SORCS2: variants seen among roughly 807,000 people sequenced by gnomAD.
SORCS2 encodes sortilin related VPS10 domain containing receptor 2, also known as VPS10 domain-containing receptor SorCS2.
Under a neutral mutation model 141.6 loss-of-function variants are expected in SORCS2, and 100 were observed. The observed-to-expected ratio is 0.71, with a 90% CI of 0.60 to 0.83. SORCS2 has a LOEUF of 0.83. SORCS2 is among the 40% of genes least tolerant of loss of function. SORCS2 has a pLI of 0.00. For synonymous variants in SORCS2, 789 were observed against 676.9 expected, an observed-to-expected ratio of 1.17 and a Z score of -2.57; for missense variants, 1,646 against 1,560.2, an observed-to-expected ratio of 1.05 and a Z score of -0.93.
Position 7,714,283 on chromosome 4 carries a change from G to T in SORCS2, c.2033G>T (p.Arg678Ile). Residue 678 changes from arginine (R) to isoleucine (I), a missense_variant, in exon 16 of 27, where the codon AGA becomes ATA. By Grantham distance (97) the Arg-to-Ile change is moderately conservative (BLOSUM62 -3). Coordinates refer to ENST00000507866, the MANE Select transcript of SORCS2 (RefSeq NM_020777.3). The stretch of plus-strand genomic sequence containing the variant: ...GGCCAGCAGAGAAGTTTCCGGAAAA[G>T]AAAGTCCACGTCCTGGTGCATCAAG... ...IMGQQRSFRK[R>I]KSTSWCIKGR... The T allele has an allele frequency of 6.2e-7, 1 of 1,609,418 alleles. No individual in the cohort carries two copies. Among genetic ancestry groups the T allele is most frequent in the Non-Finnish European group, 8.5e-7 (1 of 1,178,100 alleles).
chr4:7,638,550 C>T, intron 4 of SORCS2, 58 bp downstream of exon 4: 1 of 1,534,614 alleles, frequency 6.5e-7, no homozygotes, highest in Non-Finnish European at 8.7e-7. Flanking sequence ...CTCGACCCAC[C>T]TGGAGGTGAG....
intron 17 of SORCS2, 140 bp from the exon 18 acceptor site, chr4:7,717,872 C>G: frequency 2.4e-6 from 2 of 818,508 alleles, no homozygotes; most frequent in Non-Finnish European, 3.6e-6. Flanking sequence ...CAGGAGGTGA[C>G]TGGGAGTTAG....
chr4:7,423,354 C>T (rs1028441443), intron 2 of SORCS2, among the ~76,000 whole-genome samples: 1 of 152,208 alleles, frequency 6.6e-6, no homozygotes, highest in African/African-American at 2.4e-5. Flanking sequence ...GCATCCCTGG[C>T]TATGTGGTTC....
At chr4:7,359,321 AC>A (rs1263482045) in intron 1 of SORCS2, among the ~76,000 whole-genome samples, 3 of 151,684 alleles carry the variant, frequency 2.0e-5, no homozygotes, top group African/African-American at 4.8e-5. Context: ...AACAAAAAAA[AC>A]AAAGACTTAC....
chr4:7,603,240 GTGTT>G (rs1717856205), intron 3 of SORCS2, among the ~76,000 whole-genome samples: 1 of 152,190 alleles, frequency 6.6e-6, no homozygotes, highest in Non-Finnish European at 1.5e-5. Flanking sequence ...TTGTAACTCA[GTGTT>G]TGTTTAGATC....
rs1446899544 is a variant in SORCS2 at position 7,570,039 on chromosome 4, AT to A, written c.648+38411del. On this transcript the variant is annotated intron_variant, in intron 3 of 26. Transcript: ENST00000507866. ...AGCGTTTTCAAGGGGAGGAGATGCA[AT>A]CCACTGCAGCTGAGAGCAGGGCCCC... 7.2e-5 allele frequency among the ~76,000 whole-genome samples: 11 copies of A among 152,222 alleles called. No homozygotes were observed. In the East Asian group the frequency reaches 1.7e-3, roughly 24 times the overall value.
intron 1 of SORCS2, among the ~76,000 whole-genome samples, chr4:7,218,511 C>A (rs2108756500): frequency 6.6e-6 from 1 of 152,312 alleles, no homozygotes; most frequent in South Asian, 2.1e-4. Flanking sequence ...AATAATTCCT[C>A]TCTCAAGAGA....
intron 3 of SORCS2, among the ~76,000 whole-genome samples, chr4:7,558,624 C>T (rs576656579): frequency 8.5e-5 from 13 of 152,300 alleles, no homozygotes; most frequent in African/African-American, 2.2e-4. Flanking sequence ...CATGAGCTGA[C>T]GTGAGTGATG....
chr4:7,732,512 C>T (rs1182019255), intron 23 of SORCS2, among the ~76,000 whole-genome samples: 1 of 152,190 alleles, frequency 6.6e-6, no homozygotes, highest in Non-Finnish European at 1.5e-5. Context: ...GGCCCCTGCC[C>T]TCTCCAGCTA....
intron 2 of SORCS2, among the ~76,000 whole-genome samples, chr4:7,454,389 T>A (rs907659388): frequency 3.2e-4 from 43 of 133,800 alleles, no homozygotes; most frequent in Non-Finnish European, 5.9e-4. Context: ...GGTCAGGTGC[T>A]GTGTGTTGGG....
chr4:7,310,327 A>C (rs3930439), intron 1 of SORCS2: 33,002 of 154,138 alleles, frequency 0.21, 3,926 homozygotes, highest in Middle Eastern at 0.29. Flanking sequence ...CCAAGGTTAC[A>C]CAGCCTTGAA....
chr4:7,302,992 G>A (rs1717545041), intron 1 of SORCS2, among the ~76,000 whole-genome samples: 3 of 152,192 alleles, frequency 2.0e-5, no homozygotes, highest in African/African-American at 7.2e-5. Context: ...TCACCTCCAA[G>A]CCTCCGTGGA....
chr4:7,721,849 G>A (rs541708143), intron 18 of SORCS2, among the ~76,000 whole-genome samples: 122 of 152,198 alleles, frequency 8.0e-4, no homozygotes, highest in Non-Finnish European at 1.4e-3. Flanking sequence ...GTATCATTCC[G>A]TACAACTACA....
intron 3 of SORCS2, among the ~76,000 whole-genome samples, chr4:7,551,812 C>G (rs1276547911): frequency 6.6e-6 from 1 of 152,216 alleles, no homozygotes; most frequent in Non-Finnish European, 1.5e-5. Flanking sequence ...ATCAGTGCCT[C>G]CTGGGCTGGG....
In SORCS2 at chr4:7,278,345, C is replaced by T. The variant is rs143548991; in HGVS notation, c.480+85219C>T. 1.4e-4 allele frequency among the ~76,000 whole-genome samples: 21 copies of T among 152,282 alleles called. No individual in the cohort carries two copies. In the East Asian group the frequency reaches 3.9e-3, roughly 28 times the overall value. On this transcript the variant is annotated intron_variant, in intron 1 of 26. Transcript: ENST00000507866. ...AGTTCACTGAGCGTGACGGGGTCTT[C>T]GTTCTTCTTCATCATCAACTCCTCA...
intron 2 of SORCS2, among the ~76,000 whole-genome samples, chr4:7,487,117 G>T (rs1284269880): frequency 6.6e-6 from 1 of 152,142 alleles, no homozygotes; most frequent in Non-Finnish European, 1.5e-5. Flanking sequence ...CACCCTCCCG[G>T]GTGGTAACGA....
At chr4:7,386,459 G>A (rs796621616) in intron 1 of SORCS2, among the ~76,000 whole-genome samples, 22 of 47,868 alleles carry the variant, frequency 4.6e-4, no homozygotes, top group Admixed American at 1.4e-3. Context: ...ACATGTGCAC[G>A]CACACACATG....
At chr4:7,223,301 A>G (rs1202509443) in intron 1 of SORCS2, among the ~76,000 whole-genome samples, 1 of 146,558 alleles carries the variant, frequency 6.8e-6, no homozygotes, top group Admixed American at 6.6e-5. Flanking sequence ...ATGCGCACAC[A>G]CACACACACA....
At chr4:7,725,695 C>G (rs1166241552) in intron 20 of SORCS2, among the ~76,000 whole-genome samples, 2 of 152,188 alleles carry the variant, frequency 1.3e-5, no homozygotes, top group Non-Finnish European at 2.9e-5. Context: ...CCTCAGAGGC[C>G]TGGGTTGTAC....
Sources: allele counts gnomAD v4.1 joint callset (sites outside exome capture counted in the v4.1 genomes callset), GRCh38; gene constraint gnomAD v4.1.1; transcripts MANE v1.5; gene names NCBI Gene and HGNC (gene_info 2026-07-23, HGNC 2026-07-21).